The following C12orf43 variants were observed in gnomAD, a reference collection of about 807,000 sequenced individuals.
C12orf43 encodes the protein protein CUSTOS.
In C12orf43, 15 loss-of-function variants were observed where a neutral mutation model predicts 20.6. The observed-to-expected ratio is 0.73, with a 90% CI of 0.49 to 1.12. The LOEUF (loss-of-function observed/expected upper bound fraction) is 1.12, where lower values mean the gene tolerates loss of function less well. Ranked by LOEUF, C12orf43 falls within the 50% of genes most tolerant of loss-of-function variation. The pLI is 0.00. For missense variants in C12orf43, 334 were observed against 344.4 expected (o/e 0.97, Z 0.24); for synonymous variants, 144 against 130.8 (o/e 1.10, Z -0.69).
chr12:121,011,553 A>C (rs1292641740), intron 1 of C12orf43, among the ~76,000 whole-genome samples: 1 of 151,958 alleles, frequency 6.6e-6, no homozygotes, highest in Non-Finnish European at 1.5e-5. Flanking sequence ...AACTCAGTGA[A>C]TCTTCCCAAC....
chr12:121,005,131 C>G lies in C12orf43; in HGVS notation c.362-38G>C, dbSNP rs1313361538. 2 of 1,002,918 alleles carry G rather than the reference C, an allele frequency of 2.0e-6. No homozygotes were observed. Among genetic ancestry groups the G allele is most frequent in the East Asian group, 6.7e-5 (2 of 29,950 alleles). The allele number at this position is 1,002,918 out of a possible 1,614,324, so 62.1% of individuals were successfully genotyped here. ...GGGGCAGAGTCAAACAAAAACAAAA[C>G]AAAACAAAAAGAAACATAAAAAAAT... is the stretch of plus-strand genomic sequence containing the variant. On this transcript the variant is annotated intron_variant, in intron 4 of 5. Transcript: ENST00000288757. This position sits in a 1 kb window ranked among gnomAD's most constrained non-coding sequence, Gnocchi z 5.6.
chr12:121,009,833 C>A (rs1004389004), intron 3 of C12orf43, among the ~76,000 whole-genome samples: 2 of 152,216 alleles, frequency 1.3e-5, no homozygotes, highest in African/African-American at 2.4e-5. Context: ...GAATCCTTAC[C>A]GACTGGGTTA....
chr12:121,008,640 T>C (rs1018572913), intron 3 of C12orf43, among the ~76,000 whole-genome samples: 1 of 152,240 alleles, frequency 6.6e-6, no homozygotes, highest in African/African-American at 2.4e-5. Flanking sequence ...ACACCTCCTC[T>C]ACTTTCTCCA....
rs1300791130 is a variant in C12orf43 at position 121,001,306 on chromosome 12, AGCTGTGCCTC to A, written c.*2837_*2846del. On this transcript the variant is annotated 3_prime_UTR_variant, in exon 6 of 6. Coordinates refer to ENST00000288757, the MANE Select transcript of C12orf43 (RefSeq NM_022895.3). Reference sequence around the variant, plus strand: ...CGAGCAACCGTGGCCCTTCCTGGACAGCTGTGCCTCGCTCCCCACTCTGCTCTGATGCATC... The same window carrying A: ...CGAGCAACCGTGGCCCTTCCTGGACAGCTCCCCACTCTGCTCTGATGCATC... The A allele has an allele frequency of 4.6e-6, 6 of 1,311,554 alleles. No individual in the cohort carries two copies. The Admixed American group carries it at 1.2e-4, about 26-fold the overall frequency. 81.2% of individuals were successfully genotyped at this position (1,311,554 alleles called of 1,614,324 possible).
chr12:121,015,050 C>T (rs886650454), intron 1 of C12orf43, among the ~76,000 whole-genome samples: 1 of 152,078 alleles, frequency 6.6e-6, no homozygotes, highest in African/African-American at 2.4e-5. Flanking sequence ...ATGTATTGGG[C>T]CTTTAAGATG....
Position 121,001,433 on chromosome 12 carries a change from A to G in C12orf43, c.*2720T>C. Reference sequence around the variant, plus strand: ...GGAGAGCTAGGAGCAAAGCCTGTTCATGGCAGATGTAGGAGGGACTGTCGC... The same window carrying G: ...GGAGAGCTAGGAGCAAAGCCTGTTCGTGGCAGATGTAGGAGGGACTGTCGC... On this transcript the variant is annotated 3_prime_UTR_variant, in exon 6 of 6. Transcript: ENST00000288757. 3.6e-6 allele frequency: 2 copies of G among 557,458 alleles called. No homozygotes were observed. The highest frequency in any genetic ancestry group is 2.0e-5 in the South Asian group (1 of 50,182). The allele number at this position is 557,458 out of a possible 1,614,324, so 34.5% of individuals were successfully genotyped here. A position where few individuals can be genotyped will look rare whatever the true frequency, so the allele number is the denominator to read the frequency against.
At chr12:121,010,949 T>C in intron 2 of C12orf43, 23 bp from the exon 3 acceptor site, 15 of 1,613,192 alleles carry the variant, frequency 9.3e-6, no homozygotes, top group Non-Finnish European at 1.3e-5. Context: ...CAAAGAGACC[T>C]CACTTCCTGC....
chr12:121,008,752 T>G (rs1485607971), intron 3 of C12orf43, among the ~76,000 whole-genome samples: 1 of 152,368 alleles, frequency 6.6e-6, no homozygotes, highest in South Asian at 2.1e-4. Context: ...ATTTGTCCTT[T>G]TTGATATCTA....
Position 121,000,714 on chromosome 12 carries a change from G to A in C12orf43, c.*3439C>T, listed in dbSNP as rs966141622. On this transcript the variant is annotated 3_prime_UTR_variant, in exon 6 of 6. Coordinates refer to ENST00000288757, the MANE Select transcript of C12orf43 (RefSeq NM_022895.3). The stretch of plus-strand genomic sequence containing the variant: ...CTCCTTCACTCAAAGCCAACTGATT[G>A]TGGCATTAACCACATCTACAAAGCA... 17 of 356,464 alleles carry A rather than the reference G, an allele frequency of 4.8e-5. No individual in the cohort carries two copies. The highest frequency in any genetic ancestry group is 3.4e-4 in the African/African-American group (16 of 47,592). The allele number at this position is 356,464 out of a possible 1,614,324, so 22.1% of individuals were successfully genotyped here.
At chr12:121,012,416 G>T (rs960705153) in intron 1 of C12orf43, 10 of 702,544 alleles carry the variant, frequency 1.4e-5, no homozygotes, top group Non-Finnish European at 2.6e-5. Flanking sequence ...AGCAGAGAAG[G>T]GACATAAACT....
At chr12:121,015,244 T>C (rs1010390375) in intron 1 of C12orf43, among the ~76,000 whole-genome samples, 1 of 151,894 alleles carries the variant, frequency 6.6e-6, no homozygotes, top group African/African-American at 2.4e-5. Context: ...GAGAAAACTG[T>C]GGTTATGGTA....
rs144705008 is a variant in C12orf43, at chr12:121,012,796, G to A, written c.146-1650C>T. 3.2e-3 allele frequency: 702 copies of A among 216,500 alleles called. 7 individuals are homozygous for A. Among genetic ancestry groups the A allele is most frequent in the African/African-American group, 0.017 (678 of 39,994 alleles). The allele number at this position is 216,500 out of a possible 1,614,324, so 13.4% of individuals were successfully genotyped here. On this transcript the variant is annotated intron_variant, in intron 1 of 5. Coordinates refer to ENST00000288757, the MANE Select transcript of C12orf43 (RefSeq NM_022895.3). ...GAACCCAGGAGGCGGAGGTTGCAGTGAGCCAAGATCACGCCACTGCACTCC... is the reference window on the plus strand; with the variant it reads ...GAACCCAGGAGGCGGAGGTTGCAGTAAGCCAAGATCACGCCACTGCACTCC...
At position 121,004,448 on chromosome 12, in the gene C12orf43, G is replaced by A; in HGVS notation, c.494C>T (p.Ala165Val). Residue 165 changes from alanine (A) to valine (V), a missense_variant, in exon 6 of 6, where the codon GCT (alanine) becomes GTT (valine). Physicochemically the swap from Ala to Val is moderately conservative, Grantham distance 64 (BLOSUM62 0). Transcript: ENST00000288757. The surrounding 1 kb of genome is among the most constrained non-coding windows in gnomAD (Gnocchi z 5.6). ...DEEWRRCREA[A>V]VSASDILQES... Reference sequence around the variant, plus strand: ...CTGTAGGATGTCGGACGCCGACACAGCTGCCTCCCGGCACCGCCGCCACTC... The same window carrying A: ...CTGTAGGATGTCGGACGCCGACACAACTGCCTCCCGGCACCGCCGCCACTC... The A allele has an allele frequency of 6.2e-7, 1 of 1,610,674 alleles. No homozygotes were observed. Among genetic ancestry groups the A allele is most frequent in the Non-Finnish European group, 8.5e-7 (1 of 1,178,716 alleles).
At position 121,002,050 on chromosome 12, in the gene C12orf43, C is replaced by T. The variant is rs978495668; in HGVS notation, c.*2103G>A. On this transcript the variant is annotated 3_prime_UTR_variant, in exon 6 of 6. Transcript: ENST00000288757. Reference sequence around the variant, plus strand: ...TCCAGGTCCTGGTGGGGCAGCTCCTCTGTCTCGAGCGCCCTGCAGACCCTG... The same window carrying T: ...TCCAGGTCCTGGTGGGGCAGCTCCTTTGTCTCGAGCGCCCTGCAGACCCTG... 1.7e-5 allele frequency: 9 copies of T among 536,794 alleles called. No homozygotes were observed. The highest frequency in any genetic ancestry group is 1.5e-4 in the African/African-American group (8 of 53,976). The allele number at this position is 536,794 out of a possible 1,614,324, so 33.3% of individuals were successfully genotyped here.
At position 121,001,062 on chromosome 12, in the gene C12orf43, C is replaced by T. The variant is rs1877438684; in HGVS notation, c.*3091G>A. 3.1e-6 allele frequency: 5 copies of T among 1,613,130 alleles called. No individual in the cohort carries two copies. The highest frequency in any genetic ancestry group is 1.7e-4 in the Middle Eastern group (1 of 6,060). On this transcript the variant is annotated 3_prime_UTR_variant, in exon 6 of 6. Transcript: ENST00000288757. ...TGGCTAGCAGCCTTGTTTGCCTCTG[C>T]AGTGTCCTCCAGCAGCCTGGTGCTG...
Position 121,004,169 on chromosome 12 carries a change from G to A in C12orf43, c.773C>T (p.Ala258Val). The change falls in exon 6 of 6, where the codon GCT becomes GTT. Residue 258 changes from alanine (A) to valine (V), a missense_variant. Coordinates refer to ENST00000288757, the MANE Select transcript of C12orf43 (RefSeq NM_022895.3). The surrounding 1 kb of genome is among the most constrained non-coding windows in gnomAD (Gnocchi z 5.6). Reference protein sequence around the residue: ...SPFPPAKSATAIPAN With the variant: ...SPFPPAKSATVIPAN Reference sequence around the variant, plus strand: ...TGGCTGGGTTCAGTTTGCAGGTATAGCTGTAGCACTCTTTGCTGGTGGGAA... The same window carrying A: ...TGGCTGGGTTCAGTTTGCAGGTATAACTGTAGCACTCTTTGCTGGTGGGAA... 6 of 1,614,214 alleles carry A rather than the reference G, an allele frequency of 3.7e-6. No homozygotes were observed. The highest frequency in any genetic ancestry group is 5.1e-6 in the Non-Finnish European group (6 of 1,180,040).
chr12:121,015,050 C>A (rs886650454), intron 1 of C12orf43, among the ~76,000 whole-genome samples: 1 of 152,078 alleles, frequency 6.6e-6, no homozygotes, highest in East Asian at 1.9e-4. Context: ...ATGTATTGGG[C>A]CTTTAAGATG....
In C12orf43 at chr12:121,004,587, G is replaced by T; in HGVS notation, c.453-98C>A. 7.8e-7 allele frequency: 1 copy of T among 1,281,382 alleles called. No homozygotes were observed. 79.4% of individuals were successfully genotyped at this position (1,281,382 alleles called of 1,614,324 possible). On this transcript the variant is annotated intron_variant, in intron 5 of 5. Transcript: ENST00000288757. This position sits in a 1 kb window ranked among gnomAD's most constrained non-coding sequence, Gnocchi z 5.6. ...CCCTTGGTCCAGGTCACCAGAAGGT[G>T]GCCGCAGAGAGAGGCAGGTAGTGAG...
chr12:121,012,625 G>A, intron 1 of C12orf43: 1 of 575,138 alleles, frequency 1.7e-6, no homozygotes, highest in South Asian at 1.8e-5. Flanking sequence ...GGCTGAGGCA[G>A]GCGGATCACG....
Sources: allele counts gnomAD v4.1 joint callset (sites outside exome capture counted in the v4.1 genomes callset), GRCh38; gene constraint gnomAD v4.1.1; non-coding constraint Gnocchi (gnomAD v3.1); transcripts MANE v1.5; gene names NCBI Gene and HGNC (gene_info 2026-07-23, HGNC 2026-07-21).